AK2: variants seen among roughly 807,000 people sequenced by gnomAD.
The protein encoded by AK2 is adenylate kinase 2.
In AK2, 15 loss-of-function variants were observed where a neutral mutation model predicts 24.6. The observed-to-expected ratio is 0.61, with a 90% confidence interval of 0.41 to 0.94. The LOEUF is 0.94. Among genes scored for constraint, AK2 ranks in the 40% least tolerant of loss-of-function variants. AK2 has a pLI of 0.00. For synonymous variants in AK2, 102 were observed against 114.0 expected (o/e 0.90, Z 0.67); for missense variants, 257 against 304.1 (o/e 0.85, Z 1.15).
At position 33,034,175 on chromosome 1, in the gene AK2, G is replaced by C. The variant is rs375053524; in HGVS notation, c.93+2561C>G. Among the ~76,000 whole-genome samples the C allele has an allele frequency of 1.6e-4, 25 of 152,208 alleles. 1 individual carries two copies. The South Asian group carries it at 5.2e-3, about 32-fold the overall frequency. ...TCTGGAAAGTGTACAGAGGTTAAAT[G>C]ACTTGTGTAAATCTTATCCTTTCAA... is the stretch of plus-strand genomic sequence containing the variant. On this transcript the variant is annotated intron_variant, in intron 1 of 5. Coordinates refer to ENST00000672715, the MANE Select transcript of AK2 (RefSeq NM_001625.4).
intron 4 of AK2, among the ~76,000 whole-genome samples, chr1:33,015,160 T>C (rs1569591437): frequency 1.3e-5 from 2 of 152,146 alleles, no homozygotes; most frequent in African/African-American, 4.8e-5. Context: ...ACAGGAAAAA[T>C]AATTCCCATG....
intron 4 of AK2, among the ~76,000 whole-genome samples, chr1:33,015,653 G>C (rs1368721128): frequency 6.6e-6 from 1 of 152,226 alleles, no homozygotes; most frequent in Non-Finnish European, 1.5e-5. Context: ...CACTTTGGGA[G>C]GCTGAGGGGG....
rs1570187909 is a variant in AK2 at position 33,012,671 on chromosome 1, T to G, written c.*510A>C. 7 of 1,264,906 alleles carry G rather than the reference T, an allele frequency of 5.5e-6. No homozygotes were observed. Among genetic ancestry groups the G allele is most frequent in the Non-Finnish European group, 7.2e-6 (7 of 968,724 alleles). 78.4% of individuals were successfully genotyped at this position (1,264,906 alleles called of 1,614,324 possible). A position where few individuals can be genotyped will look rare whatever the true frequency, so the allele number is the denominator to read the frequency against. ...TGGCACTTCAGGAGGCCAAGGTGGG[T>G]GGATTGCTTAAGCCTAGGAGTTCAA... On this transcript the variant is annotated 3_prime_UTR_variant, in exon 6 of 6. Coordinates refer to ENST00000672715, the MANE Select transcript of AK2 (RefSeq NM_001625.4).
chr1:33,024,377 C>T, intron 2 of AK2, 65 bp downstream of exon 2: 1 of 1,605,644 alleles, frequency 6.2e-7, no homozygotes, highest in East Asian at 2.2e-5. Flanking sequence ...TGGTGGCTAC[C>T]ATATTGGACA....
At chr1:33,029,315 TTG>T (rs1364993572) in intron 1 of AK2, 2 of 152,188 alleles carry the variant, frequency 1.3e-5, no homozygotes, top group Non-Finnish European at 2.9e-5. Flanking sequence ...CATGGGAATT[TTG>T]GCCTGCTCTT....
chr1:33,014,697 T>G, intron 4 of AK2, 103 bp from the exon 5 acceptor site: 1 of 984,778 alleles, frequency 1.0e-6, no homozygotes. Context: ...GGACGCTGGA[T>G]GCAAGGACCC....
At position 33,036,725 on chromosome 1, in the gene AK2, C is replaced by G; in HGVS notation, c.93+11G>C. On this transcript the variant is annotated intron_variant, in intron 1 of 5. Transcript: ENST00000672715. ...GCAGGCTCCGCCGCCAAGCCCAGTC[C>G]TGCCGCTCACCTGGGTCCCTTTACC... is the stretch of plus-strand genomic sequence containing the variant. 1 of 1,571,658 alleles carries G rather than the reference C, an allele frequency of 6.4e-7. No homozygotes were observed. The highest frequency in any genetic ancestry group is 8.6e-7 in the Non-Finnish European group (1 of 1,156,928).
In AK2 at chr1:33,008,453, C is replaced by T; in HGVS notation, c.*4728G>A. ...GATCCTAAGACACATACCCTAGGCC[C>T]TCAGAGCCGGCAGTGACTTCTTCAA... On this transcript the variant is annotated 3_prime_UTR_variant, in exon 6 of 6. Transcript: ENST00000672715. The T allele has an allele frequency of 2.2e-6, 1 of 454,096 alleles. No individual in the cohort carries two copies. Among genetic ancestry groups the T allele is most frequent in the South Asian group, 1.6e-5 (1 of 64,476 alleles). The allele number at this position is 454,096 out of a possible 1,614,324, so 28.1% of individuals were successfully genotyped here.
At chr1:33,036,123 CAT>C (rs762579852) in intron 1 of AK2, among the ~76,000 whole-genome samples, 223 of 152,180 alleles carry the variant, frequency 1.5e-3, no homozygotes, top group Middle Eastern at 6.8e-3. Flanking sequence ...GGTTGCGACT[CAT>C]GGGTCTCCAG....
chr1:33,027,510 G>A (rs1354341042), intron 1 of AK2, among the ~76,000 whole-genome samples: 2 of 152,114 alleles, frequency 1.3e-5, no homozygotes, highest in African/African-American at 4.8e-5. Context: ...GGGAGGCTAA[G>A]GCGGGTGGAT....
chr1:33,035,487 A>T (rs1640520383), intron 1 of AK2, among the ~76,000 whole-genome samples: 1 of 152,232 alleles, frequency 6.6e-6, no homozygotes, highest in African/African-American at 2.4e-5. Context: ...AAGCGGGCAC[A>T]GGGCAGTCCT....
At chr1:33,027,326 G>C (rs1332854630) in intron 1 of AK2, among the ~76,000 whole-genome samples, 1 of 152,224 alleles carries the variant, frequency 6.6e-6, no homozygotes, top group African/African-American at 2.4e-5. Flanking sequence ...ACACCACAGA[G>C]AAGAGCTGTT....
intron 4 of AK2, 55 bp downstream of exon 4, chr1:33,021,312 C>T: frequency 6.7e-7 from 1 of 1,483,554 alleles, no homozygotes; most frequent in Non-Finnish European, 9.4e-7. Context: ...GAGCAATTCT[C>T]AGAGTTTGAG....
At chr1:33,035,480 C>T (rs528698074) in intron 1 of AK2, among the ~76,000 whole-genome samples, 17 of 152,288 alleles carry the variant, frequency 1.1e-4, no homozygotes, top group African/African-American at 3.8e-4. Flanking sequence ...AAGAGAAAAG[C>T]GGGCACAGGG....
intron 4 of AK2, chr1:33,019,873 A>C: frequency 3.0e-6 from 4 of 1,325,918 alleles, no homozygotes; most frequent in Non-Finnish European, 3.8e-6. Context: ...CTACTGTGAA[A>C]TATTACACAG....
rs762416213 is a variant in AK2, at chr1:33,012,964, G to C, written c.*217C>G. On this transcript the variant is annotated 3_prime_UTR_variant, in exon 6 of 6. Transcript: ENST00000672715. ...CTAGCCTAAAACTTACAAAGTAGCA[G>C]AGTGAACACATATGTGCATGCACAC... 3 of 1,562,164 alleles carry C rather than the reference G, an allele frequency of 1.9e-6. No homozygotes were observed. The highest frequency in any genetic ancestry group is 2.6e-6 in the Non-Finnish European group (3 of 1,158,334).
Position 33,010,923 on chromosome 1 carries a change from C to A in AK2, c.*2258G>T. 2 of 1,595,286 alleles carry A rather than the reference C, an allele frequency of 1.3e-6. No homozygotes were observed. Among genetic ancestry groups the A allele is most frequent in the Non-Finnish European group, 1.7e-6 (2 of 1,170,482 alleles). On this transcript the variant is annotated 3_prime_UTR_variant, in exon 6 of 6. Coordinates refer to ENST00000672715, the MANE Select transcript of AK2 (RefSeq NM_001625.4). ...AGGCTGGCATGTAAGCCCCAGCAAC[C>A]AAATGCATTAAACACTGGACATTTC...
rs200179721 is a variant in AK2, at chr1:33,013,290, C to T, written c.611G>A (p.Arg204Gln). ...TGCATCGATGGCGGAGTGGATCCCC[C>T]GTTTCCTGTAGTACTCTATGAGTGG... The part of the protein sequence containing the change: ...TTPLIEYYRK[R>Q]GIHSAIDASQ... Residue 204 changes from arginine to glutamine, a missense_variant, in exon 6 of 6, where the codon CGG (arginine) becomes CAG (glutamine). Coordinates refer to ENST00000672715, the MANE Select transcript of AK2 (RefSeq NM_001625.4). 1.0e-4 allele frequency: 168 copies of T among 1,614,120 alleles called. No homozygotes were observed. Among genetic ancestry groups the T allele is most frequent in the East Asian group, 2.2e-5 (1 of 44,886 alleles).
At chr1:33,034,570 T>A (rs16835243) in intron 1 of AK2, among the ~76,000 whole-genome samples, 2,540 of 152,220 alleles carry the variant, frequency 0.017, 30 homozygotes, top group Middle Eastern at 0.034. Context: ...ATGCTTTATA[T>A]CCCCAATGTT....
Sources: allele counts gnomAD v4.1 joint callset (sites outside exome capture counted in the v4.1 genomes callset), GRCh38; gene constraint gnomAD v4.1.1; transcripts MANE v1.5; gene names NCBI Gene and HGNC (gene_info 2026-07-23, HGNC 2026-07-21).